KLHL32: variants seen among roughly 807,000 people sequenced by gnomAD.
The protein encoded by KLHL32 is kelch like family member 32, also known as kelch-like protein 32.
Under a neutral mutation model 64.8 loss-of-function variants are expected in KLHL32, and 35 were observed. The ratio of observed to expected loss-of-function variants is 0.54; its 90% confidence interval spans 0.41 to 0.72. The LOEUF (loss-of-function observed/expected upper bound fraction) is 0.72, where lower values mean the gene tolerates loss of function less well. Among genes scored for constraint, KLHL32 ranks in the 30% least tolerant of loss-of-function variants. KLHL32 has a pLI of 0.00. For missense variants in KLHL32, 589 were observed against 768.5 expected (o/e 0.77, Z 2.76); for synonymous variants, 259 against 281.0 (o/e 0.92, Z 0.78).
intron 1 of KLHL32, among the ~76,000 whole-genome samples, chr6:96,952,584 C>G (rs749322397): frequency 6.6e-6 from 1 of 152,138 alleles, no homozygotes; most frequent in Non-Finnish European, 1.5e-5. Flanking sequence ...CTAAAACTGA[C>G]GCTTCCTTGT....
At chr6:97,126,283 GA>G (rs1349717853) in intron 7 of KLHL32, among the ~76,000 whole-genome samples, 1 of 151,070 alleles carries the variant, frequency 6.6e-6, no homozygotes, top group Admixed American at 6.6e-5. Context: ...CCATATCCTT[GA>G]TATTTTATTA....
At chr6:97,066,577 C>T (rs1012362835) in intron 5 of KLHL32, among the ~76,000 whole-genome samples, 3 of 152,118 alleles carry the variant, frequency 2.0e-5, no homozygotes, top group Admixed American at 6.6e-5. Context: ...TTCATTTTGT[C>T]ATGTAACTTT....
At chr6:97,049,113 A>G (rs1786410972) in intron 4 of KLHL32, among the ~76,000 whole-genome samples, 1 of 152,200 alleles carries the variant, frequency 6.6e-6, no homozygotes, top group Admixed American at 6.5e-5. Flanking sequence ...GGATGCCTGA[A>G]ACCTCAGATA....
At chr6:96,943,434 C>A (rs972502600) in intron 1 of KLHL32, among the ~76,000 whole-genome samples, 1 of 152,030 alleles carries the variant, frequency 6.6e-6, no homozygotes, top group African/African-American at 2.4e-5. Flanking sequence ...GATTTCTCAC[C>A]CACACACAGG....
At chr6:97,038,090 G>T (rs1784562215) in intron 3 of KLHL32, among the ~76,000 whole-genome samples, 1 of 152,246 alleles carries the variant, frequency 6.6e-6, no homozygotes, top group African/African-American at 2.4e-5. Context: ...TTGGGGAAAT[G>T]CTCCAGGACA....
At chr6:96,917,337 C>G in the KLHL32 span, among the ~76,000 whole-genome samples, 1 of 152,144 alleles carries the variant, frequency 6.6e-6, no homozygotes, top group Admixed American at 6.5e-5. Flanking sequence ...CTCACTGTCA[C>G]AAAATGGTTC....
intron 3 of KLHL32, 138 bp downstream of exon 3, chr6:96,976,315 T>A: frequency 1.3e-6 from 1 of 775,052 alleles, no homozygotes; most frequent in Non-Finnish European, 1.9e-6. Flanking sequence ...CTTTCCTGGG[T>A]AGAATGCTTC....
At chr6:96,953,402 G>A (rs917377971) in intron 1 of KLHL32, among the ~76,000 whole-genome samples, 1 of 152,160 alleles carries the variant, frequency 6.6e-6, no homozygotes, top group Non-Finnish European at 1.5e-5. Context: ...GGCTAAGGCA[G>A]GAGGATCACT....
rs562153295 is a variant in KLHL32 at position 96,983,717 on chromosome 6, C to T, written c.204+7540C>T. ...ATGGTAGTTTGTATTTCTGTGGGAT[C>T]GGTGGTGATATCCCTTTATCATTTT... On this transcript the variant is annotated intron_variant, in intron 3 of 10. Transcript: ENST00000369261. 5.9e-5 allele frequency among the ~76,000 whole-genome samples: 9 copies of T among 152,040 alleles called. No individual in the cohort carries two copies. In the South Asian group the frequency reaches 8.3e-4, roughly 14 times the overall value.
chr6:97,069,350 A>T (rs1018618750), intron 5 of KLHL32, among the ~76,000 whole-genome samples: 2 of 151,204 alleles, frequency 1.3e-5, no homozygotes, highest in African/African-American at 4.9e-5. Flanking sequence ...GGTTTAAAAA[A>T]TGCTATTCTC....
chr6:97,014,008 G>C (rs76573989), intron 3 of KLHL32, among the ~76,000 whole-genome samples: 2 of 152,210 alleles, frequency 1.3e-5, no homozygotes, highest in East Asian at 1.9e-4. Context: ...TTTTCTCTCT[G>C]TATATGTTTC....
At position 97,085,031 on chromosome 6, in the gene KLHL32, T is replaced by C. The variant is rs1582973230; in HGVS notation, c.412-95T>C. On this transcript the variant is annotated intron_variant, in intron 5 of 10. Transcript: ENST00000369261. ...CCTCCCATTTCTCCCACCACTGTGA[T>C]GAAAACCTTAGTGAGTCAATCTGAA... 9 of 1,036,506 alleles carry C rather than the reference T, an allele frequency of 8.7e-6. No homozygotes were observed. The East Asian group carries it at 2.2e-4, about 26-fold the overall frequency. 64.2% of individuals were successfully genotyped at this position (1,036,506 alleles called of 1,614,324 possible).
intron 4 of KLHL32, among the ~76,000 whole-genome samples, chr6:97,048,349 A>G (rs1786260473): frequency 1.3e-5 from 2 of 152,210 alleles, no homozygotes; most frequent in South Asian, 4.1e-4. Flanking sequence ...TGAAAATCAT[A>G]GAAGAACCCA....
At chr6:97,058,233 C>T (rs1788330735) in intron 4 of KLHL32, among the ~76,000 whole-genome samples, 1 of 151,998 alleles carries the variant, frequency 6.6e-6, no homozygotes, top group Non-Finnish European at 1.5e-5. Context: ...GGGTCTTTTG[C>T]TTCTTCATAT....
intron 1 of KLHL32, among the ~76,000 whole-genome samples, chr6:96,956,692 A>G (rs1271415032): frequency 6.6e-6 from 1 of 152,198 alleles, no homozygotes; most frequent in Non-Finnish European, 1.5e-5. Flanking sequence ...TAAGCATTTC[A>G]GCTTGCTGAG....
At chr6:97,030,147 A>C (rs770469463) in intron 3 of KLHL32, among the ~76,000 whole-genome samples, 1 of 152,152 alleles carries the variant, frequency 6.6e-6, no homozygotes, top group Non-Finnish European at 1.5e-5. Context: ...GTTCAGAGTA[A>C]CTCCAAAGCT....
chr6:96,929,913 C>G (rs1174483000), intron 1 of KLHL32, among the ~76,000 whole-genome samples: 3 of 152,124 alleles, frequency 2.0e-5, no homozygotes, highest in Non-Finnish European at 4.4e-5. Context: ...GAGTCACCAA[C>G]CTGATAAGAT....
chr6:96,935,587 A>G (rs1342003090), intron 1 of KLHL32, among the ~76,000 whole-genome samples: 1 of 152,174 alleles, frequency 6.6e-6, no homozygotes, highest in African/African-American at 2.4e-5. Context: ...GGTGGTTAGT[A>G]TTGGGCCATC....
intron 3 of KLHL32, among the ~76,000 whole-genome samples, chr6:96,997,577 GTC>G (rs1451447278): frequency 1.3e-5 from 2 of 150,472 alleles, no homozygotes; most frequent in Admixed American, 1.3e-4. Context: ...GTGAGACCCT[GTC>G]TCTATAAAAA....
Sources: gnomAD v4.1 joint callset for allele counts (sites outside exome capture counted in the v4.1 genomes callset) on GRCh38, gnomAD v4.1.1 for gene constraint, MANE v1.5 for transcripts, NCBI Gene and HGNC (gene_info 2026-07-23, HGNC 2026-07-21) for gene names.